The following CENPP variants were observed in gnomAD, a reference collection of about 807,000 sequenced individuals.
The protein encoded by CENPP is centromere protein P.
CENPP carries 24 observed loss-of-function variants against 35.6 expected under a neutral mutation model. That is an observed-to-expected ratio of 0.67 (90% CI 0.49 to 0.95). The LOEUF (loss-of-function observed/expected upper bound fraction) is 0.95. Ranked by LOEUF, CENPP falls within the 40% of genes least tolerant of loss-of-function variation. CENPP has a pLI of 0.00. For synonymous variants in CENPP, 120 were observed against 125.5 expected (o/e 0.96, Z 0.29); for missense variants, 332 against 345.3 (o/e 0.96, Z 0.31).
At chr9:92,418,389 G>A (rs1843686051) in intron 5 of CENPP, among the ~76,000 whole-genome samples, 1 of 151,132 alleles carries the variant, frequency 6.6e-6, no homozygotes, top group Non-Finnish European at 1.5e-5. Flanking sequence ...GCCTGGCCGA[G>A]ATTTTTTTTT....
chr9:92,595,758 C>T (rs377044670), intron 5 of CENPP, among the ~76,000 whole-genome samples: 1 of 151,740 alleles, frequency 6.6e-6, no homozygotes, highest in East Asian at 1.9e-4. Flanking sequence ...GACAGGGTTT[C>T]ACCATGTTGG....
intron 5 of CENPP, among the ~76,000 whole-genome samples, chr9:92,520,469 G>A (rs1258985120): frequency 6.6e-6 from 1 of 152,120 alleles, no homozygotes; most frequent in Non-Finnish European, 1.5e-5. Context: ...AACAATTGTT[G>A]GCAGGAATGT....
rs533401122 is a variant in CENPP, at chr9:92,346,525, A to G, written c.467+738A>G. The stretch of plus-strand genomic sequence containing the variant: ...GGTTAGGAAATTAGGTAAGGTCCAT[A>G]CTACTGGGAATTGGGTATAAAGAGT... On this transcript the variant is annotated intron_variant, in intron 4 of 7. Transcript: ENST00000375587. Among the ~76,000 whole-genome samples, 7 of 152,306 alleles carry G rather than the reference A, an allele frequency of 4.6e-5. No individual in the cohort carries two copies. The South Asian group carries it at 1.4e-3, about 32-fold the overall frequency.
chr9:92,466,495 A>G (rs1346793255), intron 5 of CENPP: 1 of 1,613,854 alleles, frequency 6.2e-7, no homozygotes, highest in Non-Finnish European at 8.5e-7. Context: ...GGACAGATAC[A>G]GCCTTCGCAA....
chr9:92,511,545 A>T (rs1563976740), intron 5 of CENPP, among the ~76,000 whole-genome samples: 2 of 151,036 alleles, frequency 1.3e-5, no homozygotes, highest in African/African-American at 4.9e-5. Context: ...TAATTTTTAT[A>T]TGAGCCTATT....
rs902830954 is a variant in CENPP at position 92,443,507 on chromosome 9, C to G, written c.564+63648C>G. On this transcript the variant is annotated intron_variant, in intron 5 of 7. Coordinates refer to ENST00000375587, the MANE Select transcript of CENPP (RefSeq NM_001012267.3). Reference sequence around the variant, plus strand: ...GATGCCAGTTCTCTCCAAAATGATCCGAGATTCACTGCAATCTCAATAATA... The same window carrying G: ...GATGCCAGTTCTCTCCAAAATGATCGGAGATTCACTGCAATCTCAATAATA... 2.6e-5 allele frequency among the ~76,000 whole-genome samples: 4 copies of G among 151,984 alleles called. 1 individual carries two copies. In the South Asian group the frequency reaches 6.2e-4, roughly 24 times the overall value.
chr9:92,461,433 C>G (rs960866693), intron 5 of CENPP, among the ~76,000 whole-genome samples: 27 of 152,166 alleles, frequency 1.8e-4, no homozygotes, highest in African/African-American at 6.3e-4. Context: ...TGGTTCTTAT[C>G]GCTCTTGAAA....
chr9:92,504,185 C>A (rs566723288), intron 5 of CENPP, among the ~76,000 whole-genome samples: 4,950 of 152,288 alleles, frequency 0.033, 124 homozygotes, highest in South Asian at 0.083. Context: ...CACAAAGAAT[C>A]TGACTTAGCA....
intron 5 of CENPP, among the ~76,000 whole-genome samples, chr9:92,438,702 C>T (rs1481231180): frequency 1.3e-5 from 2 of 152,212 alleles, no homozygotes; most frequent in Admixed American, 6.5e-5. Flanking sequence ...CCTGGAATCC[C>T]AGCACTTTGG....
At chr9:92,427,934 G>A (rs1047875374) in intron 5 of CENPP, among the ~76,000 whole-genome samples, 7 of 152,246 alleles carry the variant, frequency 4.6e-5, no homozygotes, top group African/African-American at 1.7e-4. Flanking sequence ...GGGAGTAGGT[G>A]GTACTCTCAC....
At chr9:92,413,681 T>A (rs777917772) in intron 5 of CENPP, among the ~76,000 whole-genome samples, 1 of 152,192 alleles carries the variant, frequency 6.6e-6, no homozygotes, top group Non-Finnish European at 1.5e-5. Context: ...GGCATCATAG[T>A]TGCACATTGT....
chr9:92,385,434 G>A (rs1842379616), intron 5 of CENPP: 4 of 529,492 alleles, frequency 7.6e-6, no homozygotes, highest in East Asian at 3.1e-5. Flanking sequence ...TGTTTCGAAC[G>A]TAGACATTCA....
chr9:92,561,722 TACTGGC>T (rs1477071478), intron 5 of CENPP, among the ~76,000 whole-genome samples: 3 of 152,210 alleles, frequency 2.0e-5, no homozygotes, highest in Non-Finnish European at 2.9e-5. Context: ...TTGGTATGCT[TACTGGC>T]AGAATCAAAT....
intron 3 of CENPP, among the ~76,000 whole-genome samples, chr9:92,343,962 CAA>C (rs35920973): frequency 2.5e-3 from 150 of 60,994 alleles, no homozygotes; most frequent in African/African-American, 8.1e-3. Flanking sequence ...AACCCTGTCT[CAA>C]AAAAAAAAAA....
Position 92,325,985 on chromosome 9 carries a change from G to T in CENPP, c.-14G>T. 1 of 1,547,582 alleles carries T rather than the reference G, an allele frequency of 6.5e-7. No individual in the cohort carries two copies. Among genetic ancestry groups the T allele is most frequent in the Non-Finnish European group, 8.7e-7 (1 of 1,144,844 alleles). ...CAGCTGCGCTGCCGGCCCGGCTGCGGTCAGCAACGCGCCATGGACGCAGAG... is the reference window on the plus strand; with the variant it reads ...CAGCTGCGCTGCCGGCCCGGCTGCGTTCAGCAACGCGCCATGGACGCAGAG... On this transcript the variant is annotated 5_prime_UTR_variant, in exon 1 of 8. Transcript: ENST00000375587.
At chr9:92,450,813 T>C (rs1275519546) in intron 5 of CENPP, among the ~76,000 whole-genome samples, 29 of 152,292 alleles carry the variant, frequency 1.9e-4, no homozygotes. Context: ...TGGTATCTCA[T>C]TGTGGTTTTG....
chr9:92,467,507 C>T (rs758760073), intron 5 of CENPP, among the ~76,000 whole-genome samples: 12 of 152,192 alleles, frequency 7.9e-5, no homozygotes, highest in Non-Finnish European at 1.5e-4. Flanking sequence ...GGCCACTAAG[C>T]GTCTTCAGGA....
At position 92,575,267 on chromosome 9, in the gene CENPP, A is replaced by G. The variant is rs371920346; in HGVS notation, c.565-36047A>G. Among the ~76,000 whole-genome samples, 7 of 152,326 alleles carry G rather than the reference A, an allele frequency of 4.6e-5. No individual in the cohort carries two copies. The East Asian group carries it at 1.2e-3, about 25-fold the overall frequency. The stretch of plus-strand genomic sequence containing the variant: ...CAGACATTATGAACAGTGAAAAGGC[A>G]ACTCACAAATAGGACAAAATTTTGC... On this transcript the variant is annotated intron_variant, in intron 5 of 7. Coordinates refer to ENST00000375587, the MANE Select transcript of CENPP (RefSeq NM_001012267.3).
At chr9:92,348,725 C>T (rs921634726) in intron 4 of CENPP, among the ~76,000 whole-genome samples, 4 of 152,124 alleles carry the variant, frequency 2.6e-5, no homozygotes, top group Admixed American at 1.3e-4. Context: ...GTCTGTTGGC[C>T]GTAATATCTA....
Sources: allele counts gnomAD v4.1 joint callset (sites outside exome capture counted in the v4.1 genomes callset), GRCh38; gene constraint gnomAD v4.1.1; transcripts MANE v1.5; gene names NCBI Gene and HGNC (gene_info 2026-07-23, HGNC 2026-07-21).